Variants in MGAT4C observed in about 807,000 individuals in gnomAD.
MGAT4C encodes alpha-1,3-mannosyl-glycoprotein 4-beta-N-acetylglucosaminyltransferase C.
Under a neutral mutation model 40.1 loss-of-function variants are expected in MGAT4C, and 19 were observed. That is an observed-to-expected ratio of 0.47 (90% CI 0.33 to 0.70). The LOEUF (loss-of-function observed/expected upper bound fraction) is 0.70, where lower values mean the gene tolerates loss of function less well. Ranked by LOEUF, MGAT4C falls within the 30% of genes least tolerant of loss-of-function variation. The probability of loss-of-function intolerance (pLI) is 0.02; values close to 1 mark genes in which losing one functional copy is unlikely to be tolerated. For missense variants in MGAT4C, 491 were observed against 563.2 expected, an observed-to-expected ratio of 0.87 and a Z score of 1.30; for synonymous variants, 181 against 187.1, an observed-to-expected ratio of 0.97 and a Z score of 0.27.
At chr12:86,215,095 T>C (rs890367323) in intron 1 of MGAT4C, among the ~76,000 whole-genome samples, 2 of 150,992 alleles carry the variant, frequency 1.3e-5, no homozygotes, top group Admixed American at 1.3e-4. Context: ...ATTATTTCCA[T>C]AAGGATGCTG....
chr12:85,970,181 C>T lies in MGAT4C; in HGVS notation c.*9108G>A, dbSNP rs1379021801. 6.6e-6 allele frequency: 1 copy of T among 151,142 alleles called. No individual in the cohort carries two copies. The highest frequency in any genetic ancestry group is 1.9e-4 in the East Asian group (1 of 5,182). The allele number at this position is 151,142 out of a possible 1,614,324, so 9.4% of individuals were successfully genotyped here. ...AATTCATAAAGATTGTTAAATTGAA[C>T]TGAATATCTTTGCTAAGTCACAGGC... On this transcript the variant is annotated 3_prime_UTR_variant, in exon 5 of 5. Coordinates refer to ENST00000611864, the MANE Select transcript of MGAT4C (RefSeq NM_001351288.2).
chr12:86,739,526 T>TG (rs908639465), intron 1 of MGAT4C, among the ~76,000 whole-genome samples: 2 of 150,452 alleles, frequency 1.3e-5, no homozygotes, highest in African/African-American at 4.8e-5. Context: ...GTAAAATATT[T>TG]GGGGGAAAAA....
At chr12:86,054,628 C>A (rs998595242) in intron 1 of MGAT4C, among the ~76,000 whole-genome samples, 6 of 151,788 alleles carry the variant, frequency 4.0e-5, no homozygotes, top group African/African-American at 1.5e-4. Flanking sequence ...AGCCATTCCA[C>A]AATGTATATA....
chr12:86,697,760 A>C (rs1270530257), intron 2 of MGAT4C, among the ~76,000 whole-genome samples: 1 of 152,130 alleles, frequency 6.6e-6, no homozygotes, highest in African/African-American at 2.4e-5. Context: ...GACAATGATG[A>C]TGACAGTGAC....
At chr12:86,338,419 T>G (rs1315408006) in intron 3 of MGAT4C, among the ~76,000 whole-genome samples, 3 of 152,190 alleles carry the variant, frequency 2.0e-5, no homozygotes, top group African/African-American at 7.2e-5. Context: ...TCTAGCTGCG[T>G]GACTCCTAAA....
At chr12:86,700,907 C>T (rs960928881) in intron 2 of MGAT4C, among the ~76,000 whole-genome samples, 3 of 152,032 alleles carry the variant, frequency 2.0e-5, no homozygotes, top group East Asian at 3.9e-4. Flanking sequence ...AGAGAATTTC[C>T]TCAATCTTGT....
chr12:86,209,263 A>G (rs1009063998), intron 1 of MGAT4C, among the ~76,000 whole-genome samples: 1 of 152,072 alleles, frequency 6.6e-6, no homozygotes, highest in Non-Finnish European at 1.5e-5. Context: ...AGAATTATAT[A>G]ATTAAAGAAT....
At chr12:86,318,759 C>T (rs1288563388) in intron 4 of MGAT4C, among the ~76,000 whole-genome samples, 1 of 152,082 alleles carries the variant, frequency 6.6e-6, no homozygotes, top group East Asian at 1.9e-4. Context: ...ACCCAACCAT[C>T]CCAACGGCAC....
At chr12:86,754,330 A>G (rs1290476464) in intron 1 of MGAT4C, among the ~76,000 whole-genome samples, 1 of 152,122 alleles carries the variant, frequency 6.6e-6, no homozygotes, top group African/African-American at 2.4e-5. Flanking sequence ...GCTAGCAAGC[A>G]GGAGTGAAGG....
intron 1 of MGAT4C, among the ~76,000 whole-genome samples, chr12:86,102,355 ATTACT>A (rs1397200231): frequency 6.6e-6 from 1 of 152,020 alleles, no homozygotes; most frequent in Non-Finnish European, 1.5e-5. Context: ...CTTAAGAAAA[ATTACT>A]TTAACTGCAG....
intron 2 of MGAT4C, among the ~76,000 whole-genome samples, chr12:86,603,039 C>T (rs1961843450): frequency 6.6e-6 from 1 of 151,354 alleles, no homozygotes; most frequent in Non-Finnish European, 1.5e-5. Context: ...CACAATGTCA[C>T]TTATTGGAGG....
At chr12:86,082,662 A>G (rs2135546877) in intron 1 of MGAT4C, among the ~76,000 whole-genome samples, 1 of 152,250 alleles carries the variant, frequency 6.6e-6, no homozygotes, top group South Asian at 2.1e-4. Context: ...GTATCAAACT[A>G]TTACATATGA....
chr12:86,136,619 T>C (rs1881991086), intron 1 of MGAT4C, among the ~76,000 whole-genome samples: 1 of 152,144 alleles, frequency 6.6e-6, no homozygotes, highest in Non-Finnish European at 1.5e-5. Flanking sequence ...ATCCCATCAG[T>C]TATTTCTTTT....
intron 4 of MGAT4C, among the ~76,000 whole-genome samples, chr12:86,297,358 G>A (rs937891247): frequency 2.6e-5 from 4 of 152,096 alleles, no homozygotes; most frequent in African/African-American, 7.2e-5. Flanking sequence ...GATTTTGCAC[G>A]TGATATGCAA....
chr12:86,492,727 A>C (rs1017455036), intron 2 of MGAT4C, among the ~76,000 whole-genome samples: 5 of 152,196 alleles, frequency 3.3e-5, no homozygotes, highest in Non-Finnish European at 7.3e-5. Context: ...CATTCAGGAC[A>C]TAGGCATGGG....
intron 2 of MGAT4C, among the ~76,000 whole-genome samples, chr12:85,992,968 T>C (rs1371750077): frequency 3.3e-5 from 5 of 152,224 alleles, no homozygotes; most frequent in Non-Finnish European, 7.3e-5. Flanking sequence ...CCCTTTGCTC[T>C]TCCCTATGCG....
intron 2 of MGAT4C, among the ~76,000 whole-genome samples, chr12:86,004,814 T>C (rs373594972): frequency 1.3e-5 from 2 of 152,302 alleles, no homozygotes; most frequent in African/African-American, 4.8e-5. Flanking sequence ...AATAATAAAA[T>C]GGTGAGTTAT....
intron 2 of MGAT4C, among the ~76,000 whole-genome samples, chr12:86,652,704 C>T (rs1171046382): frequency 1.3e-5 from 2 of 151,766 alleles, no homozygotes; most frequent in East Asian, 3.9e-4. Flanking sequence ...AAATACCACG[C>T]CTAAGTAGCC....
intron 1 of MGAT4C, among the ~76,000 whole-genome samples, chr12:86,776,392 G>C (rs946059813): frequency 1.9e-4 from 28 of 151,304 alleles, no homozygotes; most frequent in African/African-American, 6.3e-4. Context: ...GCTTAAATTT[G>C]TATAAATGTT....
Sources: gnomAD v4.1 joint callset for allele counts (sites outside exome capture counted in the v4.1 genomes callset) on GRCh38, gnomAD v4.1.1 for gene constraint, MANE v1.5 for transcripts, NCBI Gene and HGNC (gene_info 2026-07-23, HGNC 2026-07-21) for gene names.